HECW2: variants seen among roughly 807,000 people sequenced by gnomAD.
HECW2 encodes the protein E3 ubiquitin-protein ligase HECW2.
In HECW2, 61 loss-of-function variants were observed where a neutral mutation model predicts 175.2. The ratio of observed to expected loss-of-function variants is 0.35; its 90% confidence interval spans 0.28 to 0.43. The LOEUF is 0.43. Among genes scored for constraint, HECW2 ranks in the 20% least tolerant of loss-of-function variants. The pLI, the probability that HECW2 is intolerant of heterozygous loss-of-function variation, is 1.00. For synonymous variants in HECW2, 671 were observed against 731.0 expected, an observed-to-expected ratio of 0.92 and a Z score of 1.32; for missense variants, 1,524 against 2,000.5, an observed-to-expected ratio of 0.76 and a Z score of 4.54.
intron 1 of HECW2, among the ~76,000 whole-genome samples, chr2:196,555,834 C>A (rs1460507355): frequency 2.0e-5 from 3 of 152,242 alleles, no homozygotes; most frequent in Non-Finnish European, 2.9e-5. Context: ...CAAGTCCCCA[C>A]AAGGTCTAGC....
At chr2:196,257,708 TAAAG>T (rs1689117101) in intron 18 of HECW2, 111 bp downstream of exon 18, 1 of 736,562 alleles carries the variant, frequency 1.4e-6, no homozygotes, top group Non-Finnish European at 2.3e-6. Flanking sequence ...TCCACAAGTC[TAAAG>T]AATAAGAACA....
In HECW2 at chr2:196,318,575, G is replaced by A. The variant is rs1691790845; in HGVS notation, c.2315C>T (p.Ala772Val). Residue 772 changes from alanine (A) to valine (V), a missense_variant, in exon 9 of 29, where the codon GCC becomes GTC. Physicochemically the swap from Ala to Val is moderately conservative, Grantham distance 64. Transcript: ENST00000644978. ...EAQGTCEGAT[A>V]QEEGATGGSQ... ...ACCTCCAGTAGCGCCCTCCTCCTGG[G>A]CAGTTGCCCCTTCACAGGTGCCTTG... is the stretch of plus-strand genomic sequence containing the variant. 1 of 1,525,918 alleles carries A rather than the reference G, an allele frequency of 6.6e-7. No individual in the cohort carries two copies. Among genetic ancestry groups the A allele is most frequent in the East Asian group, 2.3e-5 (1 of 43,510 alleles). The allele number at this position is 1,525,918 out of a possible 1,614,324, so 94.5% of individuals were successfully genotyped here.
intron 1 of HECW2, among the ~76,000 whole-genome samples, chr2:196,568,004 T>C (rs1690241280): frequency 6.6e-6 from 1 of 152,152 alleles, no homozygotes; most frequent in Non-Finnish European, 1.5e-5. Flanking sequence ...TATCTAAAAA[T>C]AAAGTAATTA....
At position 196,386,270 on chromosome 2, in the gene HECW2, G is replaced by T. The variant is rs1034055263; in HGVS notation, c.293-42506C>A. Among the ~76,000 whole-genome samples, 8 of 152,210 alleles carry T rather than the reference G, an allele frequency of 5.3e-5. 1 individual carries two copies. The highest frequency in any genetic ancestry group is 3.9e-4 in the Admixed American group (6 of 15,282). ...CATATAGTGTATAGGATGGTTATAA[G>T]TGTTGGGGGAAAGAGAACAGAGAGG... On this transcript the variant is annotated intron_variant, in intron 2 of 28. Transcript: ENST00000644978.
At chr2:196,591,987 A>G (rs748773579) in intron 1 of HECW2, among the ~76,000 whole-genome samples, 3 of 152,258 alleles carry the variant, frequency 2.0e-5, no homozygotes, top group Non-Finnish European at 4.4e-5. Flanking sequence ...TCAAAGCAAC[A>G]GAAGAAATGA....
intron 1 of HECW2, among the ~76,000 whole-genome samples, chr2:196,472,068 G>C (rs968813071): frequency 6.6e-6 from 1 of 151,878 alleles, no homozygotes; most frequent in African/African-American, 2.4e-5. Flanking sequence ...TTTAGAGAAT[G>C]CAGCTGTGGG....
intron 2 of HECW2, among the ~76,000 whole-genome samples, chr2:196,390,278 C>T (rs929467939): frequency 6.6e-6 from 1 of 152,166 alleles, no homozygotes; most frequent in African/African-American, 2.4e-5. Context: ...CTTTGGAATC[C>T]ACATTCTCTA....
chr2:196,463,842 T>A (rs541222667), intron 1 of HECW2, among the ~76,000 whole-genome samples: 3 of 152,210 alleles, frequency 2.0e-5, no homozygotes, highest in Non-Finnish European at 4.4e-5. Flanking sequence ...CGAGCCCAAC[T>A]AGCAACATTC....
At position 196,433,300 on chromosome 2, in the gene HECW2, T is replaced by A; in HGVS notation, c.124A>T (p.Thr42Ser). The A allele has an allele frequency of 6.2e-7, 1 of 1,614,030 alleles. No homozygotes were observed. The highest frequency in any genetic ancestry group is 8.5e-7 in the Non-Finnish European group (1 of 1,180,002). ...GTGTCGCTGTTGGCCCGCTGCAGGGTCATGTTCTCTGGCATGGAGCTCTGG... is the reference window on the plus strand; with the variant it reads ...GTGTCGCTGTTGGCCCGCTGCAGGGACATGTTCTCTGGCATGGAGCTCTGG... ...AAQSSMPENM[T>S]LQRANSDTDL... The change falls in exon 2 of 29, where the codon ACC becomes TCC. Residue 42 changes from threonine to serine, a missense_variant. Coordinates refer to ENST00000644978, the MANE Select transcript of HECW2 (RefSeq NM_001348768.2).
chr2:196,396,147 C>T (rs1694656160), intron 2 of HECW2, among the ~76,000 whole-genome samples: 1 of 152,132 alleles, frequency 6.6e-6, no homozygotes, highest in African/African-American at 2.4e-5. Context: ...ATTCCACATA[C>T]ATGAGGTACC....
At chr2:196,385,863 C>T (rs538877411) in intron 2 of HECW2, among the ~76,000 whole-genome samples, 1 of 152,174 alleles carries the variant, frequency 6.6e-6, no homozygotes, top group Admixed American at 6.5e-5. Flanking sequence ...TGGTTGGAAG[C>T]CTATTTATTA....
chr2:196,268,888 TC>T (rs765163560), intron 17 of HECW2, among the ~76,000 whole-genome samples: 84 of 152,350 alleles, frequency 5.5e-4, no homozygotes, highest in Non-Finnish European at 1.1e-3. Context: ...GGGGCTTGTT[TC>T]TGCAATTTTT....
intron 2 of HECW2, among the ~76,000 whole-genome samples, chr2:196,384,631 C>T (rs1016262281): frequency 3.3e-5 from 5 of 152,102 alleles, no homozygotes; most frequent in South Asian, 2.1e-4. Flanking sequence ...TAGCAGAAGT[C>T]TGAAGAGTTA....
chr2:196,521,476 T>C (rs1013153349), intron 1 of HECW2, among the ~76,000 whole-genome samples: 23 of 151,940 alleles, frequency 1.5e-4, no homozygotes, highest in Non-Finnish European at 2.4e-4. Flanking sequence ...TTTATTTTAT[T>C]TCATTTTATT....
chr2:196,246,972 T>C (rs1225008223), intron 19 of HECW2, among the ~76,000 whole-genome samples: 1 of 152,124 alleles, frequency 6.6e-6, no homozygotes, highest in Non-Finnish European at 1.5e-5. Context: ...TTTAAAATTA[T>C]AGTAAATTGG....
intron 20 of HECW2, among the ~76,000 whole-genome samples, chr2:196,241,275 G>A (rs1162274266): frequency 6.6e-6 from 1 of 152,212 alleles, no homozygotes; most frequent in African/African-American, 2.4e-5. Flanking sequence ...TAAGTTAAGT[G>A]TGAGAAAAGT....
intron 1 of HECW2, among the ~76,000 whole-genome samples, chr2:196,535,434 G>A (rs1199865894): frequency 6.6e-6 from 1 of 152,226 alleles, no homozygotes; most frequent in African/African-American, 2.4e-5. Context: ...GCAGCGGTTA[G>A]AGTGGTGAGT....
intron 21 of HECW2, among the ~76,000 whole-genome samples, chr2:196,228,675 C>T (rs1308302162): frequency 6.6e-6 from 1 of 152,146 alleles, no homozygotes; most frequent in African/African-American, 2.4e-5. Flanking sequence ...TACATATGCT[C>T]ACAGGACATG....
At chr2:196,342,144 T>C (rs111842921) in intron 3 of HECW2, among the ~76,000 whole-genome samples, 33,294 of 151,856 alleles carry the variant, frequency 0.22, 4,384 homozygotes, top group African/African-American at 0.37. Flanking sequence ...GGGGCTCATG[T>C]CTGTAATCCC....
Sources: allele counts gnomAD v4.1 joint callset (sites outside exome capture counted in the v4.1 genomes callset), GRCh38; gene constraint gnomAD v4.1.1; transcripts MANE v1.5; gene names NCBI Gene and HGNC (gene_info 2026-07-23, HGNC 2026-07-21).